The following ARMH4 variants were observed in gnomAD, a reference collection of about 807,000 sequenced individuals.
ARMH4 encodes armadillo-like helical domain-containing protein 4.
In ARMH4, 49 loss-of-function variants were observed where a neutral mutation model predicts 61.9. The ratio of observed to expected loss-of-function variants is 0.79; its 90% confidence interval spans 0.63 to 1.00. The LOEUF is 1.00. Among genes scored for constraint, ARMH4 ranks in the 50% least tolerant of loss-of-function variants. ARMH4 has a pLI of 0.00. For synonymous variants in ARMH4, 368 were observed against 341.5 expected, an observed-to-expected ratio of 1.08 and a Z score of -0.85; for missense variants, 934 against 930.0, an observed-to-expected ratio of 1.00 and a Z score of -0.06.
At position 58,003,499 on chromosome 14, in the gene ARMH4, T is replaced by C. The variant is rs933130555; in HGVS notation, c.*1237A>G. Reference sequence around the variant, plus strand: ...GACAGCACTATTAATAAATAACTTTTATTCTTCCATGGCAATGAGCCAAGC... The same window carrying C: ...GACAGCACTATTAATAAATAACTTTCATTCTTCCATGGCAATGAGCCAAGC... On this transcript the variant is annotated 3_prime_UTR_variant, in exon 8 of 8. Coordinates refer to ENST00000267485, the MANE Select transcript of ARMH4 (RefSeq NM_001001872.4). 2.0e-5 allele frequency: 3 copies of C among 152,224 alleles called. No individual in the cohort carries two copies. The highest frequency in any genetic ancestry group is 4.4e-5 in the Non-Finnish European group (3 of 68,048). The allele number at this position is 152,224 out of a possible 1,614,324, so 9.4% of individuals were successfully genotyped here.
Position 58,049,357 on chromosome 14 carries a change from T to C in ARMH4, c.2090-37207A>G, listed in dbSNP as rs941277068. Among the ~76,000 whole-genome samples the C allele has an allele frequency of 1.2e-4, 18 of 152,308 alleles. 2 individuals are homozygous for C. Among genetic ancestry groups the C allele is most frequent in the Admixed American group, 8.5e-4 (13 of 15,300 alleles). On this transcript the variant is annotated intron_variant, in intron 5 of 7. Transcript: ENST00000267485. ...AAATGTCATAATCATAGATTCTCAA[T>C]TGCACATTATTTTCAAAGATACTGT...
intron 5 of ARMH4, among the ~76,000 whole-genome samples, chr14:58,024,125 C>A (rs1321396606): frequency 6.6e-6 from 1 of 152,128 alleles, no homozygotes; most frequent in Non-Finnish European, 1.5e-5. Context: ...AGAGAGTCAG[C>A]CTGTCTTTTG....
intron 6 of ARMH4, among the ~76,000 whole-genome samples, chr14:58,005,718 G>A (rs1349272426): frequency 6.6e-6 from 1 of 152,134 alleles, no homozygotes; most frequent in East Asian, 1.9e-4. Flanking sequence ...AAATGCTTGT[G>A]GGTAAAAGGG....
chr14:58,005,744 CA>C (rs1030165064), intron 6 of ARMH4, among the ~76,000 whole-genome samples: 7 of 151,094 alleles, frequency 4.6e-5, no homozygotes, highest in Non-Finnish European at 8.9e-5. Context: ...CTTCTGAAAA[CA>C]AGGAAAAAAA....
intron 5 of ARMH4, among the ~76,000 whole-genome samples, chr14:58,060,757 G>A (rs562388626): frequency 6.6e-6 from 1 of 152,186 alleles, no homozygotes; most frequent in Non-Finnish European, 1.5e-5. Context: ...AGGGAGAAAA[G>A]GTATCTCCGG....
rs999585550 is a variant in ARMH4 at position 58,003,816 on chromosome 14, G to A, written c.*920C>T. On this transcript the variant is annotated 3_prime_UTR_variant, in exon 8 of 8. Transcript: ENST00000267485. ...CTTTTCCATGGTGGAGTCCACAGAT[G>A]TGGAAATACAACACTCTGAATTAGT... 6.6e-6 allele frequency: 1 copy of A among 152,184 alleles called. No homozygotes were observed. 9.4% of individuals were successfully genotyped at this position (152,184 alleles called of 1,614,324 possible).
At chr14:58,060,595 C>CAAAAACTAAGCA (rs1884496755) in intron 5 of ARMH4, among the ~76,000 whole-genome samples, 15 of 152,164 alleles carry the variant, frequency 9.9e-5, no homozygotes, top group Non-Finnish European at 1.9e-4. Flanking sequence ...GTGACATTGA[C>CAAAAACTAAGCA]TTTGTAGATT....
At chr14:58,094,464 G>A (rs1885682020) in intron 5 of ARMH4, among the ~76,000 whole-genome samples, 1 of 151,864 alleles carries the variant, frequency 6.6e-6, no homozygotes, top group Non-Finnish European at 1.5e-5. Flanking sequence ...GCCAAAACAG[G>A]GAACAACTCA....
chr14:58,045,547 C>A (rs1057390023), intron 5 of ARMH4, among the ~76,000 whole-genome samples: 1 of 151,432 alleles, frequency 6.6e-6, no homozygotes, highest in African/African-American at 2.4e-5. Context: ...ACCAACATGG[C>A]ACATGTATAC....
chr14:58,095,413 C>T (rs554848288), intron 5 of ARMH4, among the ~76,000 whole-genome samples: 2 of 152,300 alleles, frequency 1.3e-5, no homozygotes, highest in South Asian at 4.1e-4. Context: ...TCATTTCAAA[C>T]CTGTTCATGT....
intron 5 of ARMH4, among the ~76,000 whole-genome samples, chr14:58,076,562 A>T (rs1047435970): frequency 1.3e-5 from 2 of 152,168 alleles, no homozygotes; most frequent in Non-Finnish European, 2.9e-5. Context: ...ATTCTTAGGG[A>T]AAATATGCAA....
Position 58,139,419 on chromosome 14 carries a change from A to G in ARMH4, c.-56-5T>C, listed in dbSNP as rs1887455928. On this transcript the variant is annotated splice_polypyrimidine_tract_variant and splice_region_variant and intron_variant, in intron 1 of 7. Coordinates refer to ENST00000267485, the MANE Select transcript of ARMH4 (RefSeq NM_001001872.4). The stretch of plus-strand genomic sequence containing the variant: ...GACAAGTCCAGTAATTGAATCCTGC[A>G]GAAAAATAAAGCATATCAAACTGTC... 1 of 1,477,290 alleles carries G rather than the reference A, an allele frequency of 6.8e-7. No individual in the cohort carries two copies. Among genetic ancestry groups the G allele is most frequent in the East Asian group, 2.3e-5 (1 of 44,104 alleles). 91.5% of individuals were successfully genotyped at this position (1,477,290 alleles called of 1,614,324 possible).
At chr14:58,095,082 A>G (rs746932425) in intron 5 of ARMH4, among the ~76,000 whole-genome samples, 7 of 152,150 alleles carry the variant, frequency 4.6e-5, no homozygotes, top group African/African-American at 9.7e-5. Context: ...AAGACCCTCT[A>G]ATTACTTATA....
At chr14:58,045,750 G>A (rs1883915536) in intron 5 of ARMH4, among the ~76,000 whole-genome samples, 1 of 151,968 alleles carries the variant, frequency 6.6e-6, no homozygotes, top group Admixed American at 6.6e-5. Flanking sequence ...ATTAAAATGA[G>A]GTCATACTGG....
At chr14:58,088,264 C>A (rs1885443731) in intron 5 of ARMH4, among the ~76,000 whole-genome samples, 1 of 152,098 alleles carries the variant, frequency 6.6e-6, no homozygotes, top group Non-Finnish European at 1.5e-5. Context: ...AAATTCCCAA[C>A]TACTACAAAT....
At chr14:58,121,728 A>G (rs927061429) in intron 4 of ARMH4, among the ~76,000 whole-genome samples, 2 of 152,204 alleles carry the variant, frequency 1.3e-5, no homozygotes, top group Non-Finnish European at 2.9e-5. Context: ...ATGACTTACC[A>G]TAAGAGGCAA....
intron 4 of ARMH4, among the ~76,000 whole-genome samples, chr14:58,119,009 T>C (rs186303094): frequency 4.3e-4 from 66 of 152,322 alleles, no homozygotes; most frequent in Non-Finnish European, 8.2e-4. Context: ...GCTGTTTTAA[T>C]AGAAGAAGAA....
chr14:58,044,154 CA>C (rs1883837832), intron 5 of ARMH4, among the ~76,000 whole-genome samples: 1 of 152,106 alleles, frequency 6.6e-6, no homozygotes, highest in Non-Finnish European at 1.5e-5. Context: ...CCCGCATTGC[CA>C]AATCAATCCT....
At chr14:58,020,750 T>G (rs1314286754) in intron 5 of ARMH4, among the ~76,000 whole-genome samples, 1 of 152,200 alleles carries the variant, frequency 6.6e-6, no homozygotes, top group African/African-American at 2.4e-5. Flanking sequence ...AACAACCAAC[T>G]GAGTGGCAGA....
Sources: allele counts gnomAD v4.1 joint callset (sites outside exome capture counted in the v4.1 genomes callset), GRCh38; gene constraint gnomAD v4.1.1; transcripts MANE v1.5; gene names NCBI Gene and HGNC (gene_info 2026-07-23, HGNC 2026-07-21).